ROBO2: variants seen among roughly 807,000 people sequenced by gnomAD.
The protein encoded by ROBO2 is roundabout guidance receptor 2.
In ROBO2, 53 loss-of-function variants were observed where a neutral mutation model predicts 160.8. The observed-to-expected ratio is 0.33, with a 90% CI of 0.26 to 0.41. The LOEUF is 0.41. Among genes scored for constraint, ROBO2 ranks in the 10% least tolerant of loss-of-function variants. ROBO2 has a pLI of 1.00. For missense variants in ROBO2, 1,577 were observed against 1,722.4 expected (o/e 0.92, Z 1.49); for synonymous variants, 664 against 611.7 (o/e 1.09, Z -1.26).
chr3:76,355,098 CT>C (rs1559812163), intron 2 of ROBO2, among the ~76,000 whole-genome samples: 1 of 150,760 alleles, frequency 6.6e-6, no homozygotes, highest in African/African-American at 2.4e-5. Context: ...GCAAGTGATG[CT>C]ATTATATTCA....
chr3:77,631,833 A>G (rs1164939535), intron 23 of ROBO2: 1 of 152,126 alleles, frequency 6.6e-6, no homozygotes. Flanking sequence ...GAGTTCTTAA[A>G]TAACTTAAAA....
intron 2 of ROBO2, among the ~76,000 whole-genome samples, chr3:76,340,164 C>T (rs1159975353): frequency 6.8e-6 from 1 of 146,132 alleles, no homozygotes; most frequent in Non-Finnish European, 1.6e-5. Context: ...TTGCACAACA[C>T]TGACTGTGAT....
intron 2 of ROBO2, among the ~76,000 whole-genome samples, chr3:76,954,556 C>T (rs2079135491): frequency 1.3e-5 from 2 of 152,218 alleles, no homozygotes; most frequent in East Asian, 1.9e-4. Flanking sequence ...TGACCATAAC[C>T]TGAAGAGAAA....
intron 2 of ROBO2, among the ~76,000 whole-genome samples, chr3:76,774,569 G>C (rs1293406121): frequency 6.6e-6 from 1 of 150,790 alleles, no homozygotes; most frequent in Non-Finnish European, 1.5e-5. Flanking sequence ...AGTAAATGTT[G>C]CTCCTTAAAA....
chr3:76,662,819 A>G (rs532265989), intron 2 of ROBO2, among the ~76,000 whole-genome samples: 338 of 152,276 alleles, frequency 2.2e-3, no homozygotes, highest in African/African-American at 7.8e-3. Flanking sequence ...GAATGGTGAC[A>G]TGTGAGGCAA....
At chr3:77,137,618 G>T (rs1396353348) in intron 2 of ROBO2, among the ~76,000 whole-genome samples, 4 of 152,214 alleles carry the variant, frequency 2.6e-5, no homozygotes, top group African/African-American at 9.6e-5. Flanking sequence ...GATGATAAAA[G>T]TTGTTAAAAC....
chr3:77,091,243 T>G (rs1201116897), intron 1 of ROBO2, among the ~76,000 whole-genome samples: 1 of 152,178 alleles, frequency 6.6e-6, no homozygotes, highest in South Asian at 2.1e-4. Context: ...TCTAGGTGCA[T>G]TTTCCTCCTT....
intron 2 of ROBO2, among the ~76,000 whole-genome samples, chr3:77,444,409 A>T (rs1296856085): frequency 2.0e-5 from 3 of 152,182 alleles, no homozygotes; most frequent in Non-Finnish European, 2.9e-5. Flanking sequence ...TTTTGTATAC[A>T]TTAACTTGTG....
intron 2 of ROBO2, among the ~76,000 whole-genome samples, chr3:76,103,772 T>G (rs1369778537): frequency 6.6e-6 from 1 of 152,234 alleles, no homozygotes; most frequent in African/African-American, 2.4e-5. Context: ...CTGCGTTTCT[T>G]GATGTCCATT....
intron 2 of ROBO2, among the ~76,000 whole-genome samples, chr3:76,219,506 G>T (rs573714056): frequency 2.6e-5 from 4 of 152,250 alleles, no homozygotes; most frequent in South Asian, 2.1e-4. Context: ...CCATCAAAAA[G>T]TGGGCGAAGG....
chr3:77,464,896 A>G (rs1015427985), intron 2 of ROBO2, among the ~76,000 whole-genome samples: 2 of 152,196 alleles, frequency 1.3e-5, no homozygotes, highest in Admixed American at 1.3e-4. Flanking sequence ...TTAACTAAAT[A>G]TGGGGAAAAT....
chr3:75,985,293 A>G (rs2065384786), intron 2 of ROBO2, among the ~76,000 whole-genome samples: 1 of 151,530 alleles, frequency 6.6e-6, no homozygotes, highest in Non-Finnish European at 1.5e-5. Flanking sequence ...AATAAAATAC[A>G]CTTAATGTGA....
At chr3:77,443,849 T>C (rs1170541486) in intron 2 of ROBO2, among the ~76,000 whole-genome samples, 2 of 152,158 alleles carry the variant, frequency 1.3e-5, no homozygotes. Context: ...ATAAAGGGAA[T>C]GTCAGAGTTA....
chr3:77,320,994 C>G (rs2064627404), intron 2 of ROBO2, among the ~76,000 whole-genome samples: 1 of 152,148 alleles, frequency 6.6e-6, no homozygotes, highest in South Asian at 2.1e-4. Context: ...AGTAATCCCA[C>G]ACATACAACA....
chr3:76,706,342 T>C (rs1473414067), intron 2 of ROBO2, among the ~76,000 whole-genome samples: 4 of 152,098 alleles, frequency 2.6e-5, no homozygotes, highest in African/African-American at 9.7e-5. Flanking sequence ...ATTATTGAAG[T>C]CAATTTGATT....
At chr3:77,638,727 A>T (rs747815179) in intron 24 of ROBO2, among the ~76,000 whole-genome samples, 15 of 151,296 alleles carry the variant, frequency 9.9e-5, no homozygotes, top group Non-Finnish European at 1.8e-4. Context: ...AAGCCAATAT[A>T]TTAACCAATG....
intron 2 of ROBO2, among the ~76,000 whole-genome samples, chr3:76,414,166 A>T (rs2075639169): frequency 6.6e-6 from 1 of 152,156 alleles, no homozygotes. Flanking sequence ...GGTCCCTCTC[A>T]CAACATGGGG....
intron 2 of ROBO2, among the ~76,000 whole-genome samples, chr3:76,630,036 C>T (rs1039057023): frequency 6.6e-6 from 1 of 152,152 alleles, no homozygotes; most frequent in East Asian, 1.9e-4. Flanking sequence ...TTGCTGCTGC[C>T]TCCCCGCTTG....
At chr3:77,332,824 G>A (rs1202525304) in intron 2 of ROBO2, among the ~76,000 whole-genome samples, 1 of 152,156 alleles carries the variant, frequency 6.6e-6, no homozygotes. Flanking sequence ...AGTTGCTGCT[G>A]TTAATATTAA....
Sources: allele counts gnomAD v4.1 joint callset (sites outside exome capture counted in the v4.1 genomes callset), GRCh38; gene constraint gnomAD v4.1.1; transcripts MANE v1.5; gene names NCBI Gene and HGNC (gene_info 2026-07-23, HGNC 2026-07-21).